SPAG17: variants seen among roughly 807,000 people sequenced by gnomAD.
The protein encoded by SPAG17 is sperm associated antigen 17.
SPAG17 carries 169 observed loss-of-function variants against 273.6 expected under a neutral mutation model. The ratio of observed to expected loss-of-function variants is 0.62; its 90% confidence interval spans 0.55 to 0.70. The LOEUF (loss-of-function observed/expected upper bound fraction) is 0.70, where lower values mean the gene tolerates loss of function less well. Ranked by LOEUF, SPAG17 falls within the 30% of genes least tolerant of loss-of-function variation. The pLI, the probability that SPAG17 is intolerant of heterozygous loss-of-function variation, is 0.00. For missense variants in SPAG17, 2,557 were observed against 2,627.8 expected (o/e 0.97, Z 0.59); for synonymous variants, 825 against 873.2 (o/e 0.94, Z 0.97).
At chr1:117,968,876 A>C (rs1482818630) in intron 46 of SPAG17, among the ~76,000 whole-genome samples, 5 of 152,162 alleles carry the variant, frequency 3.3e-5, no homozygotes, top group African/African-American at 1.2e-4. Context: ...AACTCACTTC[A>C]TTCTGTCATT....
At chr1:118,093,737 A>G (rs1387960395) in intron 7 of SPAG17, among the ~76,000 whole-genome samples, 1 of 152,198 alleles carries the variant, frequency 6.6e-6, no homozygotes, top group Non-Finnish European at 1.5e-5. Context: ...CACAATGGAA[A>G]CACTGACTCT....
chr1:118,167,386 A>G (rs926389962), intron 1 of SPAG17, among the ~76,000 whole-genome samples: 5 of 152,144 alleles, frequency 3.3e-5, no homozygotes, highest in African/African-American at 1.2e-4. Flanking sequence ...TTTTTGTACA[A>G]TATCAGAACA....
intron 36 of SPAG17, among the ~76,000 whole-genome samples, chr1:117,991,997 G>A (rs1415735056): frequency 6.6e-6 from 1 of 152,080 alleles, no homozygotes; most frequent in African/African-American, 2.4e-5. Flanking sequence ...CCAGGTGCTA[G>A]GTATATAACC....
rs1261608367 is a variant in SPAG17, at chr1:118,099,674, T to C, written c.761A>G (p.Asn254Ser). ...CAGGTGTGTCTGCAGAGGTTCATAA[T>C]TCTCTGAAGATATTTTAATCACGCT... Reference protein sequence around the residue: ...ITSVIKISSENYEPLQTHLAA... With the variant: ...ITSVIKISSESYEPLQTHLAA... Residue 254 changes from asparagine to serine, a missense_variant, in exon 6 of 49, where the codon AAT becomes AGT. Physicochemically the swap from Asn to Ser is conservative, Grantham distance 46. Coordinates refer to ENST00000336338, the MANE Select transcript of SPAG17 (RefSeq NM_206996.4). The C allele has an allele frequency of 1.2e-6, 2 of 1,614,108 alleles. No individual in the cohort carries two copies. The highest frequency in any genetic ancestry group is 1.3e-5 in the African/African-American group (1 of 75,056).
intron 25 of SPAG17, among the ~76,000 whole-genome samples, chr1:118,031,377 G>A (rs1339318470): frequency 6.6e-6 from 1 of 151,784 alleles, no homozygotes; most frequent in African/African-American, 2.4e-5. Context: ...ATAAGGAATG[G>A]CAGAAACTTG....
chr1:118,000,037 C>T (rs1324378111), intron 32 of SPAG17, among the ~76,000 whole-genome samples: 1 of 152,212 alleles, frequency 6.6e-6, no homozygotes, highest in African/African-American at 2.4e-5. Context: ...CAGCTTTCTA[C>T]ATATGGCTAG....
intron 42 of SPAG17, among the ~76,000 whole-genome samples, chr1:117,982,720 C>A (rs1655975400): frequency 6.6e-6 from 1 of 152,204 alleles, no homozygotes; most frequent in African/African-American, 2.4e-5. Context: ...TACATAGTCT[C>A]CTAATCAAAC....
rs886602142 is a variant in SPAG17, at chr1:118,085,773, A to G, written c.1762+149T>C. ...TTGCTAATGACATTATTCAAACAAGAAAGTTGTAGTCAATCAAAATACCCA... is the reference window on the plus strand; with the variant it reads ...TTGCTAATGACATTATTCAAACAAGGAAGTTGTAGTCAATCAAAATACCCA... On this transcript the variant is annotated intron_variant, in intron 13 of 48. Coordinates refer to ENST00000336338, the MANE Select transcript of SPAG17 (RefSeq NM_206996.4). The G allele has an allele frequency of 2.6e-5, 17 of 645,658 alleles. No individual in the cohort carries two copies. In the Admixed American group the frequency reaches 3.0e-4, roughly 11 times the overall value. The allele number at this position is 645,658 out of a possible 1,614,324, so 40.0% of individuals were successfully genotyped here. A position where few individuals can be genotyped will look rare whatever the true frequency, so the allele number is the denominator to read the frequency against.
intron 7 of SPAG17, among the ~76,000 whole-genome samples, chr1:118,096,149 C>T (rs1655689052): frequency 6.6e-6 from 1 of 152,192 alleles, no homozygotes; most frequent in Non-Finnish European, 1.5e-5. Context: ...CTCTCCATTA[C>T]TACTTATTCA....
chr1:117,959,164 A>G (rs1311718936), intron 48 of SPAG17: 2 of 1,376,252 alleles, frequency 1.5e-6, no homozygotes, highest in Non-Finnish European at 9.8e-7. Context: ...AAAACAAACA[A>G]GAAAAGTTCT....
chr1:118,029,341 A>C (rs1005902030), intron 25 of SPAG17, among the ~76,000 whole-genome samples: 1 of 152,164 alleles, frequency 6.6e-6, no homozygotes, highest in Non-Finnish European at 1.5e-5. Context: ...GTGAGCAATA[A>C]ATTTTGATTG....
chr1:118,026,550 T>C (rs866370379), intron 26 of SPAG17, among the ~76,000 whole-genome samples: 1 of 152,200 alleles, frequency 6.6e-6, no homozygotes, highest in Non-Finnish European at 1.5e-5. Context: ...GCTTTATATA[T>C]GTATCTTTTA....
chr1:117,971,928 C>T lies in SPAG17; in HGVS notation c.6261G>A (p.Val2087=). The T allele has an allele frequency of 6.2e-7, 1 of 1,614,064 alleles. No individual in the cohort carries two copies. The highest frequency in any genetic ancestry group is 8.5e-7 in the Non-Finnish European group (1 of 1,179,970). Residue 2087 remains valine (V), a synonymous_variant, in exon 45 of 49, where the codon GTG becomes GTA. Transcript: ENST00000336338. ...HLLPSSVKFG[V]LKEGHTYATV... is the part of the protein sequence containing the mutation. ...TGGCATAGGTATGTCCTTCCTTAAG[C>T]ACTCCAAACTTGACTGATGATGGGA... is the stretch of plus-strand genomic sequence containing the variant.
At chr1:118,184,737 A>G (rs543251155) in intron 1 of SPAG17, among the ~76,000 whole-genome samples, 24 of 152,336 alleles carry the variant, frequency 1.6e-4, no homozygotes, top group African/African-American at 5.3e-4. Flanking sequence ...GGAGAAAACA[A>G]AAAGTCCATA....
intron 39 of SPAG17, 58 bp from the exon 40 acceptor site, chr1:117,987,939 A>AATGATTTCAGCTT: frequency 7.0e-6 from 11 of 1,580,422 alleles, no homozygotes; most frequent in Non-Finnish European, 8.7e-6. Context: ...GCTTAAAAAC[A>AATGATTTCAGCTT]AAACCAAAAA....
intron 1 of SPAG17, 22 bp from the exon 2 acceptor site, chr1:118,151,391 T>G: frequency 1.2e-6 from 2 of 1,607,322 alleles, no homozygotes; most frequent in South Asian, 2.2e-5. Context: ...CAGACGGAAT[T>G]AGATTTTAAA....
intron 3 of SPAG17, among the ~76,000 whole-genome samples, chr1:118,118,673 T>C (rs1329070153): frequency 6.6e-6 from 1 of 152,168 alleles, no homozygotes; most frequent in African/African-American, 2.4e-5. Flanking sequence ...GGAGAGAGGC[T>C]CTACGCTGAA....
At chr1:118,165,544 C>A (rs1406124282) in intron 1 of SPAG17, among the ~76,000 whole-genome samples, 3 of 150,398 alleles carry the variant, frequency 2.0e-5, no homozygotes, top group Middle Eastern at 6.3e-3. Context: ...GTGCCAAATT[C>A]ATAAGATATG....
At chr1:118,012,448 TACGAA>T in intron 29 of SPAG17, 76 bp from the exon 30 acceptor site, 6 of 1,490,022 alleles carry the variant, frequency 4.0e-6, no homozygotes, top group Non-Finnish European at 5.4e-6. Flanking sequence ...ATCCATTGAA[TACGAA>T]GATGGCACCA....
Sources: gnomAD v4.1 joint callset for allele counts (sites outside exome capture counted in the v4.1 genomes callset) on GRCh38, gnomAD v4.1.1 for gene constraint, MANE v1.5 for transcripts, NCBI Gene and HGNC (gene_info 2026-07-23, HGNC 2026-07-21) for gene names.